Variants in THBS4 observed in about 807,000 individuals in gnomAD.
The protein encoded by THBS4 is thrombospondin 4, also known as thrombospondin-4.
In THBS4, 90 loss-of-function variants were observed where a neutral mutation model predicts 115.7. The ratio of observed to expected loss-of-function variants is 0.78; its 90% CI spans 0.66 to 0.93. The LOEUF (loss-of-function observed/expected upper bound fraction) is 0.93, where lower values mean the gene tolerates loss of function less well. Among genes scored for constraint, THBS4 ranks in the 40% least tolerant of loss-of-function variants. The probability of loss-of-function intolerance (pLI) is 0.00; values close to 1 mark genes in which losing one functional copy is unlikely to be tolerated. For missense variants in THBS4, 1,087 were observed against 1,232.7 expected (o/e 0.88, Z 1.77); for synonymous variants, 460 against 479.3 (o/e 0.96, Z 0.53).
chr5:80,045,405 T>C (rs895050638), intron 2 of THBS4, among the ~76,000 whole-genome samples: 2 of 152,072 alleles, frequency 1.3e-5, no homozygotes, highest in Non-Finnish European at 1.5e-5. Flanking sequence ...AGTGGTTCTG[T>C]AGCTTGCAAG....
intron 1 of THBS4, among the ~76,000 whole-genome samples, chr5:80,039,189 T>C (rs926184788): frequency 3.9e-5 from 6 of 152,220 alleles, no homozygotes; most frequent in African/African-American, 1.4e-4. Flanking sequence ...CAGCTGTAGG[T>C]GCTGAAGTTT....
At chr5:79,991,335 T>A in exon 1 of THBS4, 1 of 1,131,216 alleles carries the variant, frequency 8.8e-7, no homozygotes, top group East Asian at 2.7e-5. Flanking sequence ...GAAGGGTAAT[T>A]TGGGGGCTCT....
chr5:80,035,761 A>C lies in THBS4; in HGVS notation c.88+136A>C. On this transcript the variant is annotated intron_variant, in intron 1 of 21. Coordinates refer to ENST00000350881, the MANE Select transcript of THBS4 (RefSeq NM_003248.6). The surrounding 1 kb of genome is among the most constrained non-coding windows in gnomAD (Gnocchi z 4.6). ...CTCTGTCCCTCCCGGGCCCAATCAA[A>C]GCATATTGTGATTGGAGGTAGTGAT... The C allele has an allele frequency of 1.6e-6, 1 of 640,156 alleles. No homozygotes were observed. The allele number at this position is 640,156 out of a possible 1,614,324, so 39.7% of individuals were successfully genotyped here.
intron 16 of THBS4, among the ~76,000 whole-genome samples, 182 bp downstream of exon 16, chr5:80,077,230 A>G (rs1743263197): frequency 6.6e-6 from 1 of 152,222 alleles, no homozygotes; most frequent in Admixed American, 6.5e-5. Context: ...GGTAGACACC[A>G]GTCTCCAACT....
At chr5:80,004,655 A>G (rs190690950) in intron 2 of THBS4, among the ~76,000 whole-genome samples, 1 of 152,286 alleles carries the variant, frequency 6.6e-6, no homozygotes, top group East Asian at 1.9e-4. Context: ...ATTGTTTTTT[A>G]TTGTTTCACT....
intron 1 of THBS4, among the ~76,000 whole-genome samples, chr5:79,997,779 A>G (rs1243966414): frequency 1.3e-5 from 2 of 152,226 alleles, no homozygotes; most frequent in Non-Finnish European, 2.9e-5. Flanking sequence ...AAAGTTTTTA[A>G]TGAAATAATG....
At chr5:79,993,390 C>T (rs974230281) in intron 1 of THBS4, among the ~76,000 whole-genome samples, 2 of 152,180 alleles carry the variant, frequency 1.3e-5, no homozygotes, top group Non-Finnish European at 2.9e-5. Context: ...TTCCAGAGAA[C>T]CACACAGAAA....
intron 2 of THBS4, among the ~76,000 whole-genome samples, chr5:80,023,812 C>T (rs1832424701): frequency 6.6e-6 from 1 of 152,098 alleles, no homozygotes; most frequent in South Asian, 2.1e-4. Flanking sequence ...AAAGAGATCA[C>T]ATGGTGGGAG....
chr5:80,082,198 A>C, intron 20 of THBS4: 6 of 432,532 alleles, frequency 1.4e-5, no homozygotes, highest in Non-Finnish European at 1.6e-5. Flanking sequence ...ACACACACGG[A>C]CACACACGGT....
chr5:80,037,986 C>A (rs953060056), intron 1 of THBS4, among the ~76,000 whole-genome samples: 1 of 152,116 alleles, frequency 6.6e-6, no homozygotes, highest in Non-Finnish European at 1.5e-5. Flanking sequence ...TGTGTAAGGA[C>A]CCCTGGTACA....
intron 2 of THBS4, among the ~76,000 whole-genome samples, chr5:80,002,093 T>C (rs1486002243): frequency 3.3e-5 from 5 of 152,226 alleles, no homozygotes; most frequent in Non-Finnish European, 7.3e-5. Flanking sequence ...TCTAGTCCCA[T>C]ATTTTATACC....
At chr5:80,079,016 A>G (rs1426338176) in intron 18 of THBS4, 46 bp from the exon 19 acceptor site, 3 of 1,613,252 alleles carry the variant, frequency 1.9e-6, no homozygotes, top group Middle Eastern at 1.6e-4. Flanking sequence ...TCTTCCAGCT[A>G]CTAGTGTGGT....
At chr5:80,000,487 A>G (rs1432041752) in intron 2 of THBS4, among the ~76,000 whole-genome samples, 1 of 152,058 alleles carries the variant, frequency 6.6e-6, no homozygotes, top group Non-Finnish European at 1.5e-5. Flanking sequence ...CCTTGACTAC[A>G]AGGCATTTCC....
intron 15 of THBS4, among the ~76,000 whole-genome samples, chr5:80,074,832 C>T (rs1743115803): frequency 1.3e-5 from 2 of 152,146 alleles, no homozygotes; most frequent in South Asian, 2.1e-4. Flanking sequence ...AGGCTGGTCT[C>T]GAACTCCTGG....
rs945857617 is a variant in THBS4 at position 80,072,670 on chromosome 5, A to G, written c.1839+274A>G. 5 of 414,548 alleles carry G rather than the reference A, an allele frequency of 1.2e-5. No homozygotes were observed. In the Admixed American group the frequency reaches 1.8e-4, roughly 15 times the overall value. The allele number at this position is 414,548 out of a possible 1,614,324, so 25.7% of individuals were successfully genotyped here. A position where few individuals can be genotyped will look rare whatever the true frequency, so the allele number is the denominator to read the frequency against. ...TGCTCAATACAAGTATTTTTCCTGC[A>G]GAAAGGAAAACGGAGCATGGAAATT... On this transcript the variant is annotated intron_variant, in intron 14 of 21. Transcript: ENST00000350881.
chr5:80,010,760 G>T (rs1280614342), intron 2 of THBS4, among the ~76,000 whole-genome samples: 1 of 152,248 alleles, frequency 6.6e-6, no homozygotes, highest in Non-Finnish European at 1.5e-5. Flanking sequence ...CATCCAAATT[G>T]ATACGGGGCG....
At chr5:80,004,926 G>A (rs921773743) in intron 2 of THBS4, among the ~76,000 whole-genome samples, 1 of 151,826 alleles carries the variant, frequency 6.6e-6, no homozygotes, top group African/African-American at 2.4e-5. Context: ...TTAGTAGAGA[G>A]GGGGTTTCGC....
chr5:80,030,234 G>A (rs77249289), intron 2 of THBS4, among the ~76,000 whole-genome samples: 7 of 151,296 alleles, frequency 4.6e-5, no homozygotes, highest in South Asian at 2.1e-4. Context: ...GTCTTGCTCC[G>A]TGGCCCAGGC....
upstream of THBS4, among the ~76,000 whole-genome samples, chr5:80,034,798 T>A (rs911085948): frequency 6.6e-6 from 1 of 152,040 alleles, no homozygotes; most frequent in African/African-American, 2.4e-5. Context: ...GAGAAAAAAA[T>A]TCAGCCTTTC....
Sources: gnomAD v4.1 joint callset for allele counts (sites outside exome capture counted in the v4.1 genomes callset) on GRCh38, gnomAD v4.1.1 for gene constraint, Gnocchi (gnomAD v3.1) non-coding constraint, MANE v1.5 for transcripts, NCBI Gene and HGNC (gene_info 2026-07-23, HGNC 2026-07-21) for gene names.